ROBO1: variants seen among roughly 807,000 people sequenced by gnomAD.
The protein encoded by ROBO1 is roundabout guidance receptor 1, also known as roundabout homolog 1.
Under a neutral mutation model 195.9 loss-of-function variants are expected in ROBO1, and 149 were observed. That is an observed-to-expected ratio of 0.76 (90% confidence interval 0.67 to 0.87). The LOEUF is 0.87. Among genes scored for constraint, ROBO1 ranks in the 40% least tolerant of loss-of-function variants. ROBO1 has a pLI of 0.00. For missense variants in ROBO1, 1,933 were observed against 2,068.3 expected, an observed-to-expected ratio of 0.93 and a Z score of 1.27; for synonymous variants, 816 against 733.2, an observed-to-expected ratio of 1.11 and a Z score of -1.82.
At chr3:78,953,566 A>G (rs1008312960) in intron 3 of ROBO1, among the ~76,000 whole-genome samples, 1 of 152,022 alleles carries the variant, frequency 6.6e-6, no homozygotes, top group Non-Finnish European at 1.5e-5. Context: ...ATTAACAAGA[A>G]TAATATTGAA....
Position 79,348,541 on chromosome 3 carries a change from G to A in ROBO1, c.89-223002C>T, listed in dbSNP as rs368199388. Among the ~76,000 whole-genome samples the A allele has an allele frequency of 5.6e-4, 85 of 152,284 alleles. No individual in the cohort carries two copies. The East Asian group carries it at 0.012, about 21-fold the overall frequency. ...TTGGCATAATATAGGTATTTATAAA[G>A]TGACTTAGAGGCAGAAGACAAAGAA... On this transcript the variant is annotated intron_variant, in intron 2 of 30. Coordinates refer to ENST00000464233, the MANE Select transcript of ROBO1 (RefSeq NM_002941.4).
intron 2 of ROBO1, among the ~76,000 whole-genome samples, chr3:79,516,662 A>G (rs1451994759): frequency 6.6e-6 from 1 of 152,192 alleles, no homozygotes; most frequent in Non-Finnish European, 1.5e-5. Flanking sequence ...ATATGTAGAG[A>G]TCTTTCCAAA....
At chr3:78,991,355 C>T (rs549739542) in intron 3 of ROBO1, among the ~76,000 whole-genome samples, 3 of 152,250 alleles carry the variant, frequency 2.0e-5, no homozygotes, top group Non-Finnish European at 2.9e-5. Context: ...GTTGAAGTAG[C>T]TTTGGAAACC....
intron 2 of ROBO1, among the ~76,000 whole-genome samples, chr3:79,397,245 ATATT>A (rs2037191059): frequency 6.6e-6 from 1 of 150,716 alleles, no homozygotes; most frequent in East Asian, 1.9e-4. Flanking sequence ...ATAATCATAT[ATATT>A]TAATAATCAT....
chr3:79,704,091 A>T (rs1947697413), intron 1 of ROBO1, among the ~76,000 whole-genome samples: 1 of 151,966 alleles, frequency 6.6e-6, no homozygotes, highest in Non-Finnish European at 1.5e-5. Context: ...TTAGGTTAAC[A>T]GCAATATTGA....
intron 3 of ROBO1, among the ~76,000 whole-genome samples, chr3:79,051,998 A>G (rs2078708694): frequency 6.6e-6 from 1 of 152,128 alleles, no homozygotes; most frequent in Non-Finnish European, 1.5e-5. Flanking sequence ...ATGTGTTTGA[A>G]CAATATGAAA....
At chr3:79,561,952 C>G (rs967219629) in intron 2 of ROBO1, among the ~76,000 whole-genome samples, 1 of 152,062 alleles carries the variant, frequency 6.6e-6, no homozygotes, top group African/African-American at 2.4e-5. Context: ...ATTTACTGTT[C>G]TCCTGAGGAC....
chr3:79,594,072 T>C (rs1333638234), intron 1 of ROBO1, among the ~76,000 whole-genome samples: 1 of 152,036 alleles, frequency 6.6e-6, no homozygotes, highest in Non-Finnish European at 1.5e-5. Context: ...GAAGTTCAAA[T>C]GATCAATTAT....
chr3:79,300,506 C>G (rs1321464167), intron 2 of ROBO1, among the ~76,000 whole-genome samples: 1 of 152,202 alleles, frequency 6.6e-6, no homozygotes, highest in Admixed American at 6.5e-5. Context: ...CTCCCACCCC[C>G]TCCGTGGGCT....
At chr3:79,623,771 C>T (rs1945083425) in intron 1 of ROBO1, among the ~76,000 whole-genome samples, 1 of 152,146 alleles carries the variant, frequency 6.6e-6, no homozygotes, top group Non-Finnish European at 1.5e-5. Context: ...GTTAAACATA[C>T]TTCAGGATAT....
intron 18 of ROBO1, among the ~76,000 whole-genome samples, chr3:78,654,653 C>A (rs1403635860): frequency 6.6e-6 from 1 of 152,216 alleles, no homozygotes; most frequent in Non-Finnish European, 1.5e-5. Context: ...TGAATTAAAA[C>A]AGCCACTCGC....
intron 2 of ROBO1, among the ~76,000 whole-genome samples, chr3:79,526,164 G>A (rs745321783): frequency 2.6e-5 from 4 of 152,118 alleles, no homozygotes; most frequent in Non-Finnish European, 5.9e-5. Context: ...ATGTTTTAAA[G>A]TATTTTGAAT....
At chr3:79,698,479 T>C (rs1484582864) in intron 1 of ROBO1, among the ~76,000 whole-genome samples, 1 of 151,420 alleles carries the variant, frequency 6.6e-6, no homozygotes, top group Non-Finnish European at 1.5e-5. Flanking sequence ...TAAATATATA[T>C]GATAGATAAT....
At chr3:79,616,983 T>C (rs1377024452) in intron 1 of ROBO1, among the ~76,000 whole-genome samples, 1 of 152,150 alleles carries the variant, frequency 6.6e-6, no homozygotes, top group Non-Finnish European at 1.5e-5. Flanking sequence ...TAGCTGCAGT[T>C]CAAGCATTTT....
chr3:78,600,844 C>T (rs1346941989), intron 29 of ROBO1, among the ~76,000 whole-genome samples: 1 of 152,026 alleles, frequency 6.6e-6, no homozygotes, highest in Non-Finnish European at 1.5e-5. Flanking sequence ...AAAATCAAGC[C>T]CAGTCTCCTA....
At chr3:78,673,039 T>C (rs1379803239) in intron 10 of ROBO1, among the ~76,000 whole-genome samples, 2 of 152,162 alleles carry the variant, frequency 1.3e-5, no homozygotes, top group Non-Finnish European at 2.9e-5. Flanking sequence ...AATTGGGGAA[T>C]TGGATATGCA....
At chr3:79,370,599 C>G (rs1460210105) in intron 2 of ROBO1, among the ~76,000 whole-genome samples, 2 of 151,284 alleles carry the variant, frequency 1.3e-5, no homozygotes, top group Non-Finnish European at 3.0e-5. Flanking sequence ...TCCTTTTCGA[C>G]TTCTTTACTT....
At chr3:79,607,827 A>G (rs1374374998) in intron 1 of ROBO1, among the ~76,000 whole-genome samples, 1 of 151,966 alleles carries the variant, frequency 6.6e-6, no homozygotes, top group African/African-American at 2.4e-5. Flanking sequence ...GGCTCTCCCT[A>G]GAGAGGATGC....
chr3:79,756,325 G>A (rs975145661), intron 1 of ROBO1, among the ~76,000 whole-genome samples: 1 of 152,228 alleles, frequency 6.6e-6, no homozygotes, highest in African/African-American at 2.4e-5. Flanking sequence ...GCCAAGGCGG[G>A]CGGTTCACGA....
Sources: gnomAD v4.1 joint callset for allele counts (sites outside exome capture counted in the v4.1 genomes callset) on GRCh38, gnomAD v4.1.1 for gene constraint, MANE v1.5 for transcripts, NCBI Gene and HGNC (gene_info 2026-07-23, HGNC 2026-07-21) for gene names.